Variants in TEK observed in about 807,000 individuals in gnomAD.
TEK encodes TEK receptor tyrosine kinase, also known as angiopoietin-1 receptor.
A neutral mutation model predicts 131.8 loss-of-function variants in TEK; 43 were observed. The observed-to-expected ratio is 0.33, with a 90% CI of 0.26 to 0.42. The LOEUF (loss-of-function observed/expected upper bound fraction) is 0.42. TEK is among the 10% of genes least tolerant of loss of function. The probability of loss-of-function intolerance (pLI) is 1.00; values close to 1 mark genes in which losing one functional copy is unlikely to be tolerated. For synonymous variants in TEK, 580 were observed against 491.6 expected, an observed-to-expected ratio of 1.18 and a Z score of -2.38; for missense variants, 1,162 against 1,384.4, an observed-to-expected ratio of 0.84 and a Z score of 2.55.
At chr9:27,211,139 A>G (rs62546523) in intron 16 of TEK, among the ~76,000 whole-genome samples, 1 of 146,842 alleles carries the variant, frequency 6.8e-6, no homozygotes, top group African/African-American at 2.5e-5. Context: ...ATATATATAT[A>G]TATGAATATA....
intron 5 of TEK, 138 bp from the exon 6 acceptor site, chr9:27,173,082 GTA>G: frequency 9.2e-7 from 1 of 1,091,492 alleles, no homozygotes; most frequent in Non-Finnish European, 1.4e-6. Flanking sequence ...GGCCATAAGG[GTA>G]TGTTCATCCT....
chr9:27,206,043 C>G (rs1172540133), intron 14 of TEK, among the ~76,000 whole-genome samples: 1 of 152,202 alleles, frequency 6.6e-6, no homozygotes, highest in Non-Finnish European at 1.5e-5. Flanking sequence ...GAAAGAGATA[C>G]TGTGTTGGGT....
intron 15 of TEK, among the ~76,000 whole-genome samples, chr9:27,207,231 C>A (rs893076940): frequency 2.6e-5 from 4 of 152,212 alleles, no homozygotes; most frequent in Non-Finnish European, 5.9e-5. Flanking sequence ...GTGATGCTAT[C>A]TTGTGGGTTT....
Position 27,218,066 on chromosome 9 carries a change from T to G in TEK, c.3062+308T>G, listed in dbSNP as rs1180423079. ...CATACCGGCCTTCCTGTGGCTCCTC[T>G]CCCAGACCTAGATCAGAGGAAGCAA... On this transcript the variant is annotated intron_variant, in intron 19 of 22. Transcript: ENST00000380036. Among the ~76,000 whole-genome samples, 4 of 145,186 alleles carry G rather than the reference T, an allele frequency of 2.8e-5. No individual in the cohort carries two copies. The East Asian group carries it at 7.0e-4, about 25-fold the overall frequency.
intron 17 of TEK, 114 bp downstream of exon 17, chr9:27,213,011 C>A: frequency 8.6e-7 from 1 of 1,166,324 alleles, no homozygotes; most frequent in Non-Finnish European, 1.2e-6. Context: ...TTCTTAAAAT[C>A]TCCCTCATTT....
intron 7 of TEK, among the ~76,000 whole-genome samples, chr9:27,181,615 A>G (rs544717779): frequency 6.6e-5 from 10 of 152,310 alleles, no homozygotes; most frequent in Non-Finnish European, 1.5e-4. Flanking sequence ...TATTATAAAG[A>G]AAAAAATTTT....
At chr9:27,139,971 C>T (rs73425113) in intron 1 of TEK, among the ~76,000 whole-genome samples, 8,884 of 152,126 alleles carry the variant, frequency 0.058, 854 homozygotes, top group African/African-American at 0.2. Context: ...TCCCCAGTCC[C>T]GCTACCTTAG....
At chr9:27,135,403 GT>G (rs1294776759) in intron 1 of TEK, among the ~76,000 whole-genome samples, 2 of 152,012 alleles carry the variant, frequency 1.3e-5, no homozygotes, top group African/African-American at 4.8e-5. Context: ...GGGTCTAGTT[GT>G]GACTGTTTTG....
intron 21 of TEK, among the ~76,000 whole-genome samples, chr9:27,222,155 C>T (rs142162493): frequency 4.5e-3 from 684 of 152,130 alleles, no homozygotes; most frequent in African/African-American, 0.015. Flanking sequence ...TGAAGATACA[C>T]TTAAAGCATG....
intron 1 of TEK, among the ~76,000 whole-genome samples, chr9:27,133,817 T>A (rs2131067010): frequency 6.6e-6 from 1 of 152,334 alleles, no homozygotes; most frequent in Admixed American, 6.5e-5. Flanking sequence ...ATATTGTCTT[T>A]TACATAATAT....
chr9:27,204,798 G>A (rs1000666128), intron 13 of TEK, 113 bp from the exon 14 acceptor site: 4 of 1,414,694 alleles, frequency 2.8e-6, no homozygotes, highest in Middle Eastern at 2.4e-4. Flanking sequence ...TTAGGTGGCA[G>A]GGTTAAGGCT....
rs541553945 is a variant in TEK at position 27,221,803 on chromosome 9, C to G, written c.3200+1658C>G. 2.6e-5 allele frequency among the ~76,000 whole-genome samples: 4 copies of G among 152,312 alleles called. No individual in the cohort carries two copies. In the East Asian group the frequency reaches 7.7e-4, roughly 29 times the overall value. The stretch of plus-strand genomic sequence containing the variant: ...ATGGAGAGAAACCAGTGCAAAACCG[C>G]TGAAAATTCCAAAAACCAGAATGCC... On this transcript the variant is annotated intron_variant, in intron 21 of 22. Transcript: ENST00000380036.
chr9:27,169,330 C>T, intron 3 of TEK, 147 bp from the exon 4 acceptor site: 1 of 1,053,114 alleles, frequency 9.5e-7, no homozygotes, highest in South Asian at 1.3e-5. Context: ...CTGAATAGTT[C>T]AGCATTTTCA....
At chr9:27,221,168 G>C (rs906366272) in intron 21 of TEK, among the ~76,000 whole-genome samples, 1 of 152,124 alleles carries the variant, frequency 6.6e-6, no homozygotes, top group East Asian at 1.9e-4. Flanking sequence ...GTTCGAACTG[G>C]GTGGAGCCCA....
intron 1 of TEK, among the ~76,000 whole-genome samples, chr9:27,136,885 G>C (rs1278470968): frequency 6.6e-6 from 1 of 151,818 alleles, no homozygotes; most frequent in Admixed American, 6.6e-5. Context: ...CTGCTAAAGA[G>C]AAAAAAAATC....
intron 21 of TEK, 23 bp downstream of exon 21, chr9:27,220,168 G>A (rs779161847): frequency 1.2e-6 from 2 of 1,611,818 alleles, no homozygotes; most frequent in East Asian, 4.5e-5. Flanking sequence ...TCATCCTGGG[G>A]CTATTTTGTC....
chr9:27,150,465 G>T (rs890906741), intron 1 of TEK, among the ~76,000 whole-genome samples: 4 of 152,010 alleles, frequency 2.6e-5, no homozygotes, highest in Non-Finnish European at 4.4e-5. Context: ...AAGATTAGCT[G>T]GGGGGAGGGG....
chr9:27,212,834 C>T lies in TEK; in HGVS notation c.2814C>T (p.Ser938=), dbSNP rs886063825. 6.2e-7 allele frequency: 1 copy of T among 1,614,168 alleles called. No individual in the cohort carries two copies. Among genetic ancestry groups the T allele is most frequent in the African/African-American group, 1.3e-5 (1 of 75,060 alleles). ...ATAGCACCGCGTCCACACTGTCCTC[C>T]CAGCAGCTCCTTCACTTCGCTGCCG... ...IANSTASTLS[S]QQLLHFAADV... The change falls in exon 17 of 23, where the codon TCC becomes TCT. Residue 938 remains serine, a synonymous_variant. Transcript: ENST00000380036.
At position 27,172,629 on chromosome 9, in the gene TEK, G is replaced by C; in HGVS notation, c.642G>C (p.Gln214His). 1 of 1,613,694 alleles carries C rather than the reference G, an allele frequency of 6.2e-7. No homozygotes were observed. The highest frequency in any genetic ancestry group is 8.5e-7 in the Non-Finnish European group (1 of 1,179,672). The change falls in exon 5 of 23, where the codon CAG (glutamine) becomes CAC (histidine). Residue 214 changes from glutamine (Q) to histidine (H), a missense_variant. This residue lies in a region of TEK where 436 missense variants were observed against 539.1 expected (regional missense o/e 0.81). Coordinates refer to ENST00000380036, the MANE Select transcript of TEK (RefSeq NM_000459.5). ...CCTTAACAAAAGGATGTGAAGCCCAGAAGTGGGGACCTGAATGCAACCATC... is the reference window on the plus strand; with the variant it reads ...CCTTAACAAAAGGATGTGAAGCCCACAAGTGGGGACCTGAATGCAACCATC... The part of the protein sequence containing the change: ...TRLIVRRCEA[Q>H]KWGPECNHLC...
Sources: allele counts gnomAD v4.1 joint callset (sites outside exome capture counted in the v4.1 genomes callset), GRCh38; gene constraint gnomAD v4.1.1; regional missense constraint gnomAD v4.1.1; transcripts MANE v1.5; gene names NCBI Gene and HGNC (gene_info 2026-07-23, HGNC 2026-07-21).